Variants in SRP19 observed in about 807,000 individuals in gnomAD.
SRP19 encodes signal recognition particle 19.
In SRP19, 11 loss-of-function variants were observed where a neutral mutation model predicts 22.4. The ratio of observed to expected loss-of-function variants is 0.49; its 90% CI spans 0.31 to 0.81. The LOEUF (loss-of-function observed/expected upper bound fraction) is 0.81, where lower values mean the gene tolerates loss of function less well. Ranked by LOEUF, SRP19 falls within the 40% of genes least tolerant of loss-of-function variation. The probability of loss-of-function intolerance (pLI) is 0.05; values close to 1 mark genes in which losing one functional copy is unlikely to be tolerated. For missense variants in SRP19, 168 were observed against 175.9 expected (o/e 0.96, Z 0.25); for synonymous variants, 61 against 57.6 (o/e 1.06, Z -0.27).
intron 4 of SRP19, among the ~76,000 whole-genome samples, chr5:112,882,775 A>G (rs776185098): frequency 2.0e-5 from 3 of 152,204 alleles, no homozygotes; most frequent in Non-Finnish European, 4.4e-5. Context: ...CTTTACAGAA[A>G]AAGATGAGCA....
At chr5:112,879,506 C>T (rs1768004366) in intron 4 of SRP19, among the ~76,000 whole-genome samples, 2 of 152,176 alleles carry the variant, frequency 1.3e-5, no homozygotes, top group South Asian at 4.1e-4. Flanking sequence ...CGGAGTCTCG[C>T]TCTGTCACCC....
intron 4 of SRP19, chr5:112,877,903 AAT>A (rs1561644168): frequency 6.6e-6 from 1 of 152,184 alleles, no homozygotes; most frequent in African/African-American, 2.4e-5. Flanking sequence ...GCATCTTGAC[AAT>A]AGACAAATAT....
At chr5:112,884,497 C>T (rs1768171197) in intron 4 of SRP19, among the ~76,000 whole-genome samples, 1 of 151,114 alleles carries the variant, frequency 6.6e-6, no homozygotes, top group South Asian at 2.1e-4. Context: ...CCTGCCTCAG[C>T]CTCCTGAGTA....
At chr5:112,865,547 C>G (rs972774085) in intron 4 of SRP19, among the ~76,000 whole-genome samples, 1 of 151,500 alleles carries the variant, frequency 6.6e-6, no homozygotes, top group Non-Finnish European at 1.5e-5. Context: ...TTTAATTAAA[C>G]TGTCATTAAA....
At position 112,868,602 on chromosome 5, in the gene SRP19, G is replaced by A. The variant is rs751995405; in HGVS notation, c.*1065G>A. 18 of 162,034 alleles carry A rather than the reference G, an allele frequency of 1.1e-4. No individual in the cohort carries two copies. The highest frequency in any genetic ancestry group is 2.1e-4 in the Non-Finnish European group (16 of 77,214). The allele number at this position is 162,034 out of a possible 1,614,324, so 10.0% of individuals were successfully genotyped here. ...TTTAGTAGAGACAGGGTTTTTCCAT[G>A]TTGGTCAGGCTGGTCTCGAACTCCC... On this transcript the variant is annotated 3_prime_UTR_variant, in exon 5 of 5. Transcript: ENST00000505459.
In SRP19 at chr5:112,868,107, AGTT is replaced by A; in HGVS notation, c.*574_*576del. On this transcript the variant is annotated 3_prime_UTR_variant, in exon 5 of 5. Coordinates refer to ENST00000505459, the MANE Select transcript of SRP19 (RefSeq NM_003135.3). ...ATATATTATTGTAATCGAATCGTTCAGTTGTTTTTTGACATGGAAAGTCCTGGA... is the reference window on the plus strand; with the variant it reads ...ATATATTATTGTAATCGAATCGTTCAGTTTTTTGACATGGAAAGTCCTGGA... 1 of 985,454 alleles carries A rather than the reference AGTT, an allele frequency of 1.0e-6. No homozygotes were observed. The highest frequency in any genetic ancestry group is 1.2e-6 in the Non-Finnish European group (1 of 829,936). The allele number at this position is 985,454 out of a possible 1,614,324, so 61.0% of individuals were successfully genotyped here.
chr5:112,877,723 C>G (rs1178033505), intron 4 of SRP19: 1 of 152,024 alleles, frequency 6.6e-6, no homozygotes, highest in Admixed American at 6.6e-5. Flanking sequence ...AGCTAGGTGT[C>G]GTCATTAGCA....
At chr5:112,879,798 G>T (rs1405039673) in intron 4 of SRP19, among the ~76,000 whole-genome samples, 1 of 151,958 alleles carries the variant, frequency 6.6e-6, no homozygotes, top group Non-Finnish European at 1.5e-5. Context: ...TTTAAATTCG[G>T]CCAGGCATAA....
intron 4 of SRP19, among the ~76,000 whole-genome samples, chr5:112,889,635 CAG>C (rs1768370659): frequency 6.7e-6 from 1 of 149,750 alleles, no homozygotes; most frequent in African/African-American, 2.5e-5. Flanking sequence ...AAATGTAAGT[CAG>C]AATTATATAG....
intron 4 of SRP19, among the ~76,000 whole-genome samples, chr5:112,883,694 T>C (rs1295859977): frequency 1.3e-5 from 2 of 152,158 alleles, no homozygotes; most frequent in Non-Finnish European, 2.9e-5. Context: ...GACACCTGTA[T>C]CCAACTAGCT....
At chr5:112,894,824 T>A (rs1250166882), downstream of SRP19, 2 of 152,248 alleles carry the variant, frequency 1.3e-5, no homozygotes, top group Non-Finnish European at 1.5e-5. Context: ...AGCTTCTGCA[T>A]AGAATGTATT....
intron 4 of SRP19, among the ~76,000 whole-genome samples, chr5:112,875,994 A>G (rs577641788): frequency 3.3e-5 from 5 of 151,296 alleles, no homozygotes; most frequent in Non-Finnish European, 7.4e-5. Context: ...AGATTGCGCC[A>G]CTGCACTCCA....
chr5:112,896,410 C>G (rs980274892), downstream of SRP19: 1 of 152,128 alleles, frequency 6.6e-6, no homozygotes, highest in African/African-American at 2.4e-5. Flanking sequence ...GTAATCCCAG[C>G]TACTTGGGAG....
chr5:112,877,930 A>AGAT (rs1176660044), intron 4 of SRP19: 2 of 152,108 alleles, frequency 1.3e-5, no homozygotes, highest in Admixed American at 6.6e-5. Context: ...AGTTTATAGC[A>AGAT]GATAAGACAG....
chr5:112,884,306 G>T (rs975040088), intron 4 of SRP19, among the ~76,000 whole-genome samples: 1 of 151,352 alleles, frequency 6.6e-6, no homozygotes, highest in South Asian at 2.1e-4. Flanking sequence ...CACTTCTTTT[G>T]TTGCTCCCAC....
chr5:112,892,108 A>T (rs1228625012), exon 5 of SRP19: 1 of 1,613,996 alleles, frequency 6.2e-7, no homozygotes, highest in Non-Finnish European at 8.5e-7. Context: ...AAATAGTACC[A>T]CATGGCAAAA....
In SRP19 at chr5:112,890,703, C is replaced by T. The variant is rs970392664; in HGVS notation, c.302-900C>T. On this transcript the variant is annotated intron_variant, in intron 4 of 4. Coordinates refer to the SRP19 transcript ENST00000391338. ...TAAAATCTCACTCTAAAGATATATA[C>T]AGATCTCTCAACCCAACAAAGAGGG... 4.0e-5 allele frequency among the ~76,000 whole-genome samples: 6 copies of T among 150,378 alleles called. 2 individuals are homozygous for T. Among genetic ancestry groups the T allele is most frequent in the Admixed American group, 4.0e-4 (6 of 15,102 alleles).
chr5:112,868,725 T>G lies in SRP19; in HGVS notation c.*1188T>G, dbSNP rs1453907566. The G allele has an allele frequency of 6.6e-6, 1 of 152,154 alleles. No individual in the cohort carries two copies. The highest frequency in any genetic ancestry group is 1.9e-4 in the East Asian group (1 of 5,194). The allele number at this position is 152,154 out of a possible 1,614,324, so 9.4% of individuals were successfully genotyped here. On this transcript the variant is annotated 3_prime_UTR_variant, in exon 5 of 5. Transcript: ENST00000505459. ...TTCTTTACATTTTTATTGCTCACAG[T>G]CAAACATTCCTATTGATTGTAAAAT...
At chr5:112,871,243 A>ATTTTTTTTT (rs10592964), downstream of SRP19, among the ~76,000 whole-genome samples, 5 of 93,934 alleles carry the variant, frequency 5.3e-5, no homozygotes, top group African/African-American at 1.9e-4. Context: ...CAATCAGTGA[A>ATTTTTTTTT]TTTTTTTTTT....
Sources: allele counts gnomAD v4.1 joint callset (sites outside exome capture counted in the v4.1 genomes callset), GRCh38; gene constraint gnomAD v4.1.1; transcripts MANE v1.5; gene names NCBI Gene and HGNC (gene_info 2026-07-23, HGNC 2026-07-21).